The following TYW1B variants were observed in gnomAD, a reference collection of about 807,000 sequenced individuals.
TYW1B encodes the protein S-adenosyl-L-methionine-dependent tRNA 4-demethylwyosine synthase TYW1B.
TYW1B carries 73 observed loss-of-function variants against 86.9 expected under a neutral mutation model. The observed-to-expected ratio is 0.84, with a 90% CI of 0.70 to 1.02. TYW1B has a LOEUF of 1.02. Ranked by LOEUF, TYW1B falls within the 50% of genes least tolerant of loss-of-function variation. TYW1B has a pLI of 0.00. For synonymous variants in TYW1B, 248 were observed against 292.8 expected (o/e 0.85, Z 1.56); for missense variants, 637 against 827.4 (o/e 0.77, Z 2.82).
intron 13 of TYW1B, among the ~76,000 whole-genome samples, chr7:72,587,505 C>G (rs1157328224): frequency 1.3e-5 from 2 of 152,084 alleles, no homozygotes; most frequent in Non-Finnish European, 2.9e-5. Flanking sequence ...TCATTGGGAA[C>G]TGAAGATGTC....
At chr7:72,629,827 C>T (rs1310059902) in intron 11 of TYW1B, among the ~76,000 whole-genome samples, 3 of 152,050 alleles carry the variant, frequency 2.0e-5, no homozygotes, top group African/African-American at 4.8e-5. Flanking sequence ...GGATTATAGG[C>T]GCACACCGAG....
At chr7:72,734,268 A>ACAAAAAAAAAAAAAC (rs1245842487) in intron 8 of TYW1B, among the ~76,000 whole-genome samples, 2 of 98,094 alleles carry the variant, frequency 2.0e-5, no homozygotes, top group African/African-American at 7.1e-5. Flanking sequence ...AAAAAAAAAA[A>ACAAAAAAAAAAAAAC]ACACAACAAA....
chr7:72,596,616 ATGCAAAAATTAAC>A (rs1422155873), intron 13 of TYW1B, among the ~76,000 whole-genome samples: 1 of 152,206 alleles, frequency 6.6e-6, no homozygotes, highest in Non-Finnish European at 1.5e-5. Flanking sequence ...CTAACACCAT[ATGCAAAAATTAAC>A]TCAAAATGGA....
At chr7:72,768,515 C>T (rs1185536335) in intron 7 of TYW1B, among the ~76,000 whole-genome samples, 1 of 152,132 alleles carries the variant, frequency 6.6e-6, no homozygotes, top group Non-Finnish European at 1.5e-5. Flanking sequence ...AGGCCAGGCG[C>T]GGTGGCTCAC....
rs1265578346 is a variant in TYW1B at position 72,619,589 on chromosome 7, C to T, written c.1618-2750G>A. 2.6e-4 allele frequency among the ~76,000 whole-genome samples: 38 copies of T among 145,048 alleles called. 1 individual carries two copies. Among genetic ancestry groups the T allele is most frequent in the Non-Finnish European group, 4.5e-4 (30 of 67,220 alleles). On this transcript the variant is annotated intron_variant, in intron 12 of 13. Coordinates refer to ENST00000620995, the MANE Select transcript of TYW1B (RefSeq NM_001145440.3). ...CCGGGAAGCGGAGCTTGCAGTGAGC[C>T]GAGATTGCGCCACTGCAGTCCGCAG...
intron 11 of TYW1B, among the ~76,000 whole-genome samples, chr7:72,674,552 C>A (rs1267711581): frequency 5.3e-5 from 8 of 152,070 alleles, no homozygotes; most frequent in South Asian, 4.2e-4. Context: ...TATAGAGAAG[C>A]TGTAATGCTC....
At chr7:72,742,889 T>A (rs1276626135) in intron 8 of TYW1B, among the ~76,000 whole-genome samples, 2 of 152,138 alleles carry the variant, frequency 1.3e-5, no homozygotes, top group Non-Finnish European at 2.9e-5. Context: ...TTTTGGTTGC[T>A]AAAGGGAGAA....
intron 7 of TYW1B, among the ~76,000 whole-genome samples, chr7:72,757,616 C>T (rs1028751778): frequency 6.6e-6 from 1 of 151,960 alleles, no homozygotes; most frequent in African/African-American, 2.4e-5. Flanking sequence ...GAAAGCAATT[C>T]GATGGAGAAA....
At chr7:72,766,542 A>G (rs1787772451) in intron 7 of TYW1B, among the ~76,000 whole-genome samples, 1 of 141,944 alleles carries the variant, frequency 7.0e-6, no homozygotes, top group Non-Finnish European at 1.5e-5. Context: ...TGAACCCAGA[A>G]GGCAGAGGTT....
At chr7:72,774,382 A>AG in intron 7 of TYW1B, among the ~76,000 whole-genome samples, 1 of 25,264 alleles carries the variant, frequency 4.0e-5, no homozygotes, top group South Asian at 8.2e-4. Context: ...GTCCCAGGGG[A>AG]AAAAAAAAAA....
chr7:72,639,051 A>G (rs11979801), intron 11 of TYW1B, among the ~76,000 whole-genome samples: 15,566 of 152,174 alleles, frequency 0.1, 861 homozygotes, highest in Non-Finnish European at 0.11. Context: ...TGGAGCAATC[A>G]CATTACAAGA....
chr7:72,747,071 C>G (rs1437138334), intron 7 of TYW1B, among the ~76,000 whole-genome samples: 6 of 152,050 alleles, frequency 3.9e-5, no homozygotes, highest in Non-Finnish European at 7.4e-5. Context: ...AATTGCTCCA[C>G]CAGCATTTGT....
At chr7:72,632,312 T>TATA (rs1491239231) in intron 11 of TYW1B, among the ~76,000 whole-genome samples, 1 of 87,028 alleles carries the variant, frequency 1.1e-5, no homozygotes, top group African/African-American at 6.3e-5. Context: ...TGTATATATA[T>TATA]TATATATATT....
At chr7:72,720,347 C>G (rs1258215847) in intron 9 of TYW1B, among the ~76,000 whole-genome samples, 1 of 152,146 alleles carries the variant, frequency 6.6e-6, no homozygotes, top group Non-Finnish European at 1.5e-5. Flanking sequence ...AAGGGTACTA[C>G]CACAGAGCAG....
intron 2 of TYW1B, among the ~76,000 whole-genome samples, chr7:72,824,095 A>C (rs1788882332): frequency 6.6e-6 from 1 of 152,024 alleles, no homozygotes; most frequent in African/African-American, 2.4e-5. Context: ...CCACTGCTTA[A>C]GGTTTAACTT....
At chr7:72,724,775 G>T (rs1554458360) in intron 9 of TYW1B, among the ~76,000 whole-genome samples, 1 of 152,160 alleles carries the variant, frequency 6.6e-6, no homozygotes, top group Non-Finnish European at 1.5e-5. Context: ...GGAATTACCA[G>T]GGTAAAATAG....
intron 13 of TYW1B, among the ~76,000 whole-genome samples, chr7:72,606,924 C>G (rs1311234367): frequency 6.6e-6 from 1 of 152,108 alleles, no homozygotes; most frequent in African/African-American, 2.4e-5. Context: ...AACATAACAC[C>G]TAAAATGTCT....
chr7:72,764,571 G>A (rs567288507), intron 7 of TYW1B, among the ~76,000 whole-genome samples: 1 of 152,262 alleles, frequency 6.6e-6, no homozygotes, highest in East Asian at 1.9e-4. Context: ...GTGAGCCACC[G>A]CACCCAGCCC....
intron 13 of TYW1B, among the ~76,000 whole-genome samples, chr7:72,597,176 A>G (rs1811556478): frequency 6.6e-6 from 1 of 152,020 alleles, no homozygotes; most frequent in East Asian, 1.9e-4. Context: ...ATAATGAAAA[A>G]TATTCATATG....
Sources: gnomAD v4.1 joint callset for allele counts (sites outside exome capture counted in the v4.1 genomes callset) on GRCh38, gnomAD v4.1.1 for gene constraint, MANE v1.5 for transcripts, NCBI Gene and HGNC (gene_info 2026-07-23, HGNC 2026-07-21) for gene names.